EXOC6: variants seen among roughly 807,000 people sequenced by gnomAD.
EXOC6 encodes SEC15-like 1.
EXOC6 carries 60 observed loss-of-function variants against 112.5 expected under a neutral mutation model. That is an observed-to-expected ratio of 0.53 (90% confidence interval 0.43 to 0.66). EXOC6 has a LOEUF of 0.66. Among genes scored for constraint, EXOC6 ranks in the 30% least tolerant of loss-of-function variants. The pLI is 0.00. For synonymous variants in EXOC6, 295 were observed against 308.0 expected (o/e 0.96, Z 0.44); for missense variants, 855 against 957.1 (o/e 0.89, Z 1.41).
intron 18 of EXOC6, among the ~76,000 whole-genome samples, chr10:92,974,959 C>G (rs564055511): frequency 1.3e-5 from 2 of 152,160 alleles, no homozygotes; most frequent in African/African-American, 4.8e-5. Context: ...CCCAAAGTGC[C>G]GAGATTGCAG....
intron 1 of EXOC6, among the ~76,000 whole-genome samples, chr10:92,885,245 A>G (rs1434410252): frequency 1.3e-5 from 2 of 152,190 alleles, no homozygotes; most frequent in Non-Finnish European, 2.9e-5. Flanking sequence ...TGATACTTAA[A>G]ATTTTTTTAG....
intron 5 of EXOC6, 189 bp downstream of exon 5, chr10:92,899,833 T>C (rs2133839035): frequency 2.1e-6 from 1 of 479,116 alleles, no homozygotes; most frequent in East Asian, 3.4e-5. Flanking sequence ...AATAAATCAT[T>C]GTCCTTTATA....
chr10:92,989,608 T>A lies in EXOC6; in HGVS notation c.1954-7866T>A, dbSNP rs540392295. Among the ~76,000 whole-genome samples, 17 of 152,324 alleles carry A rather than the reference T, an allele frequency of 1.1e-4. No homozygotes were observed. In the South Asian group the frequency reaches 2.9e-3, roughly 26 times the overall value. On this transcript the variant is annotated intron_variant, in intron 18 of 21. Coordinates refer to ENST00000260762, the MANE Select transcript of EXOC6 (RefSeq NM_019053.6). ...AACATTAAGGAGAAATACTTTGTCCTGTTGAAGACACAGACCCTTAGGCTT... is the reference window on the plus strand; with the variant it reads ...AACATTAAGGAGAAATACTTTGTCCAGTTGAAGACACAGACCCTTAGGCTT...
intron 20 of EXOC6, among the ~76,000 whole-genome samples, chr10:93,026,242 G>A (rs767931850): frequency 7.9e-5 from 12 of 152,122 alleles, no homozygotes; most frequent in South Asian, 2.1e-4. Context: ...ACACATTTCC[G>A]TTTGAGTGTT....
chr10:92,955,096 C>T (rs1853618985), intron 16 of EXOC6, among the ~76,000 whole-genome samples: 1 of 151,974 alleles, frequency 6.6e-6, no homozygotes. Flanking sequence ...TGGACTTGAG[C>T]CCAGGAGGTT....
chr10:92,858,774 CG>C (rs1199860931), intron 1 of EXOC6, among the ~76,000 whole-genome samples: 11 of 152,142 alleles, frequency 7.2e-5, no homozygotes, highest in Admixed American at 2.0e-4. Context: ...TTCTTTCTTT[CG>C]TTTTTTTTGA....
intron 20 of EXOC6, among the ~76,000 whole-genome samples, chr10:93,041,502 C>T (rs954386409): frequency 6.6e-6 from 1 of 152,042 alleles, no homozygotes; most frequent in Non-Finnish European, 1.5e-5. Context: ...AGCAATTCTT[C>T]TGCCTCAGCC....
intron 1 of EXOC6, among the ~76,000 whole-genome samples, chr10:92,881,158 G>C (rs116606032): frequency 1.3e-5 from 2 of 152,122 alleles, no homozygotes; most frequent in Non-Finnish European, 2.9e-5. Context: ...ATTTGGGAGT[G>C]GCTACATGTG....
chr10:92,854,815 TTGTGTGTGTG>T (rs541014925), intron 1 of EXOC6, among the ~76,000 whole-genome samples: 22 of 151,898 alleles, frequency 1.4e-4, no homozygotes, highest in Non-Finnish European at 2.4e-4. Context: ...GATCTGTTTT[TTGTGTGTGTG>T]TGTGTGATGT....
chr10:92,897,947 C>T (rs1849920911), intron 4 of EXOC6, among the ~76,000 whole-genome samples: 1 of 152,134 alleles, frequency 6.6e-6, no homozygotes, highest in Non-Finnish European at 1.5e-5. Flanking sequence ...GTTTTCAGGA[C>T]TTCTGAGACT....
At chr10:92,837,097 A>AACATAACACACAC (rs1554878480) in intron 1 of EXOC6, among the ~76,000 whole-genome samples, 1 of 139,778 alleles carries the variant, frequency 7.2e-6, no homozygotes. Context: ...GTTATAACAT[A>AACATAACACACAC]ACACACACAC....
At chr10:92,895,678 CT>C (rs1028817687) in intron 4 of EXOC6, among the ~76,000 whole-genome samples, 5 of 151,608 alleles carry the variant, frequency 3.3e-5, no homozygotes, top group South Asian at 2.1e-4. Flanking sequence ...AGGTATATGA[CT>C]TTTTTTCTTT....
At chr10:92,954,526 A>G (rs1853585948) in intron 15 of EXOC6, 104 bp from the exon 16 acceptor site, 1 of 536,154 alleles carries the variant, frequency 1.9e-6, no homozygotes, top group Non-Finnish European at 3.2e-6. Flanking sequence ...ATATAAAATA[A>G]TGATGGGGAA....
In EXOC6 at chr10:92,866,917, T is replaced by C. The variant is rs181254387; in HGVS notation, c.101+18283T>C. Among the ~76,000 whole-genome samples, 164 of 152,302 alleles carry C rather than the reference T, an allele frequency of 1.1e-3. 1 individual carries two copies. The highest frequency in any genetic ancestry group is 3.8e-3 in the African/African-American group (156 of 41,574). On this transcript the variant is annotated intron_variant, in intron 1 of 21. Transcript: ENST00000260762. The stretch of plus-strand genomic sequence containing the variant: ...TTGGGGGAATTTTACAAATATTCTA[T>C]TTATATAAGTACTTATTTGTATCAA...
intron 1 of EXOC6, among the ~76,000 whole-genome samples, chr10:92,868,026 G>T (rs1021101692): frequency 6.6e-6 from 1 of 151,808 alleles, no homozygotes; most frequent in Non-Finnish European, 1.5e-5. Context: ...TTTTTCATTT[G>T]TCTTTTTACT....
At chr10:92,976,045 TG>T (rs745358976) in intron 18 of EXOC6, among the ~76,000 whole-genome samples, 78,713 of 105,358 alleles carry the variant, frequency 0.75, 28,411 homozygotes, top group East Asian at 0.96. Flanking sequence ...GGGAGGGAGG[TG>T]GGGGGGGGGG....
chr10:92,914,070 C>T (rs1850948819), intron 6 of EXOC6, among the ~76,000 whole-genome samples: 1 of 152,220 alleles, frequency 6.6e-6, no homozygotes, highest in South Asian at 2.1e-4. Flanking sequence ...TGGTACCTGT[C>T]TGTGGCCTTT....
intron 20 of EXOC6, among the ~76,000 whole-genome samples, chr10:93,015,071 A>G (rs959477486): frequency 1.3e-5 from 2 of 152,106 alleles, no homozygotes. Flanking sequence ...AGTAGGAGTG[A>G]CTGTGGCCTT....
At chr10:93,008,577 G>A (rs933571575) in intron 19 of EXOC6, among the ~76,000 whole-genome samples, 66 of 152,210 alleles carry the variant, frequency 4.3e-4, no homozygotes, top group African/African-American at 1.4e-3. Context: ...GTAATTTGAC[G>A]ATAGTACTTC....
Sources: allele counts gnomAD v4.1 joint callset (sites outside exome capture counted in the v4.1 genomes callset), GRCh38; gene constraint gnomAD v4.1.1; transcripts MANE v1.5; gene names NCBI Gene and HGNC (gene_info 2026-07-23, HGNC 2026-07-21).